Variants in HS6ST3 observed in about 807,000 individuals in gnomAD.
HS6ST3 encodes heparan-sulfate 6-O-sulfotransferase 3.
In HS6ST3, 12 loss-of-function variants were observed where a neutral mutation model predicts 36.7. That is an observed-to-expected ratio of 0.33 (90% CI 0.21 to 0.53). The LOEUF (loss-of-function observed/expected upper bound fraction) is 0.53, where lower values mean the gene tolerates loss of function less well. HS6ST3 is among the 20% of genes least tolerant of loss of function. The pLI, the probability that HS6ST3 is intolerant of heterozygous loss-of-function variation, is 0.95. For synonymous variants in HS6ST3, 240 were observed against 257.5 expected, an observed-to-expected ratio of 0.93 and a Z score of 0.65; for missense variants, 584 against 640.9, an observed-to-expected ratio of 0.91 and a Z score of 0.96.
At chr13:96,466,932 T>G (rs1393630271) in intron 1 of HS6ST3, among the ~76,000 whole-genome samples, 2 of 152,228 alleles carry the variant, frequency 1.3e-5, no homozygotes, top group African/African-American at 4.8e-5. Context: ...TAGAATTTGA[T>G]TTTTCTATAC....
In HS6ST3 at chr13:96,598,978, G is replaced by A. The variant is rs150396687; in HGVS notation, c.708-233512G>A. On this transcript the variant is annotated intron_variant, in intron 1 of 1. Transcript: ENST00000376705. ...TTTATGTGTTCAGATTTATTGACTT[G>A]TGTATGTTGAACCATCCCTGCATCC... 7.9e-3 allele frequency among the ~76,000 whole-genome samples: 1,199 copies of A among 152,134 alleles called. 16 individuals are homozygous for A. Among genetic ancestry groups the A allele is most frequent in the African/African-American group, 0.027 (1,101 of 41,534 alleles).
At position 96,610,853 on chromosome 13, in the gene HS6ST3, G is replaced by GAA. The variant is rs780834486; in HGVS notation, c.708-221627_708-221626dup. On this transcript the variant is annotated intron_variant, in intron 1 of 1. Coordinates refer to ENST00000376705, the MANE Select transcript of HS6ST3 (RefSeq NM_153456.4). The stretch of plus-strand genomic sequence containing the variant: ...AGTTTGTAGCTGTGCTGAAAAAAAT[G>GAA]AAAAAAAAAAACAAAAAACAAAACA... Among the ~76,000 whole-genome samples, 608 of 135,904 alleles carry GAA rather than the reference G, an allele frequency of 4.5e-3. 6 individuals are homozygous for GAA. Among genetic ancestry groups the GAA allele is most frequent in the Admixed American group, 7.7e-3 (105 of 13,662 alleles). 89.2% of individuals were successfully genotyped at this position (135,904 alleles called of 152,430 possible). A position where few individuals can be genotyped will look rare whatever the true frequency, so the allele number is the denominator to read the frequency against.
chr13:96,267,540 T>TTCAAATAACA (rs2054698375), intron 1 of HS6ST3, among the ~76,000 whole-genome samples: 5 of 150,774 alleles, frequency 3.3e-5, no homozygotes, highest in African/African-American at 1.2e-4. Context: ...GAATGTCCTT[T>TTCAAATAACA]GTGTTATTAA....
chr13:96,470,426 A>G (rs1184573911), intron 1 of HS6ST3, among the ~76,000 whole-genome samples: 1 of 152,150 alleles, frequency 6.6e-6, no homozygotes, highest in East Asian at 1.9e-4. Flanking sequence ...TCTTCTTGAC[A>G]CATTACTTCC....
At chr13:96,277,510 ATTTC>A (rs1367371038) in intron 1 of HS6ST3, among the ~76,000 whole-genome samples, 1 of 152,166 alleles carries the variant, frequency 6.6e-6, no homozygotes, top group Non-Finnish European at 1.5e-5. Flanking sequence ...ATACAAGTCA[ATTTC>A]TTTATTTATT....
intron 1 of HS6ST3, among the ~76,000 whole-genome samples, chr13:96,246,566 G>T (rs2054585743): frequency 6.6e-6 from 1 of 152,146 alleles, no homozygotes; most frequent in Admixed American, 6.6e-5. Flanking sequence ...TTCAAAAAAG[G>T]TTTACAAATA....
chr13:96,409,661 C>A (rs1170984805), intron 1 of HS6ST3, among the ~76,000 whole-genome samples: 1 of 152,142 alleles, frequency 6.6e-6, no homozygotes, highest in African/African-American at 2.4e-5. Context: ...TTCTAACTTT[C>A]CATATGCTAT....
rs1401732692 is a variant in HS6ST3 at position 96,834,408 on chromosome 13, T to A, written c.*1210T>A. On this transcript the variant is annotated 3_prime_UTR_variant, in exon 2 of 2. Transcript: ENST00000376705. Reference sequence around the variant, plus strand: ...GTTTTCTTCCTACATGATCTTTACCTGTTGTTAGACTGTGGCCACAGCCAG... The same window carrying A: ...GTTTTCTTCCTACATGATCTTTACCAGTTGTTAGACTGTGGCCACAGCCAG... The A allele has an allele frequency of 6.6e-6, 1 of 152,222 alleles. No individual in the cohort carries two copies. Among genetic ancestry groups the A allele is most frequent in the African/African-American group, 2.4e-5 (1 of 41,456 alleles). The allele number at this position is 152,222 out of a possible 1,614,324, so 9.4% of individuals were successfully genotyped here. A position where few individuals can be genotyped will look rare whatever the true frequency, so the allele number is the denominator to read the frequency against.
chr13:96,656,791 A>G (rs2056626430), intron 1 of HS6ST3, among the ~76,000 whole-genome samples: 1 of 152,146 alleles, frequency 6.6e-6, no homozygotes, highest in Non-Finnish European at 1.5e-5. Context: ...GCTTTAGGCA[A>G]GTTCTAAACC....
chr13:96,573,822 A>C, intron 1 of HS6ST3: 1 of 401,692 alleles, frequency 2.5e-6, no homozygotes, highest in Non-Finnish European at 4.8e-6. Context: ...GTTGGACTTA[A>C]CTCTGGGACC....
chr13:96,755,339 AGTTTTTTT>A (rs561613611), intron 1 of HS6ST3, among the ~76,000 whole-genome samples: 193 of 151,730 alleles, frequency 1.3e-3, no homozygotes, highest in Non-Finnish European at 2.2e-3. Context: ...TCAGTAGTTC[AGTTTTTTT>A]GTTTTTTTGT....
intron 1 of HS6ST3, among the ~76,000 whole-genome samples, chr13:96,206,178 A>G (rs141088127): frequency 6.6e-6 from 1 of 152,190 alleles, no homozygotes; most frequent in Admixed American, 6.5e-5. Context: ...ACAGGCAAGC[A>G]GGGAGCCAAA....
At chr13:96,358,869 A>T (rs1051429293) in intron 1 of HS6ST3, among the ~76,000 whole-genome samples, 1 of 147,520 alleles carries the variant, frequency 6.8e-6, no homozygotes, top group Non-Finnish European at 1.5e-5. Flanking sequence ...GTATATATAT[A>T]ATCTATCTAT....
chr13:96,739,325 C>T (rs1173633489), intron 1 of HS6ST3, among the ~76,000 whole-genome samples: 2 of 151,162 alleles, frequency 1.3e-5, no homozygotes, highest in Non-Finnish European at 2.9e-5. Flanking sequence ...AATATCACCT[C>T]TTTGCCTTTG....
intron 1 of HS6ST3, among the ~76,000 whole-genome samples, chr13:96,737,849 C>T (rs181680290): frequency 6.6e-6 from 1 of 151,992 alleles, no homozygotes; most frequent in Non-Finnish European, 1.5e-5. Flanking sequence ...CTCTGACCCC[C>T]CTCCCATCTT....
chr13:96,405,122 G>A (rs1321783003), intron 1 of HS6ST3, among the ~76,000 whole-genome samples: 1 of 152,162 alleles, frequency 6.6e-6, no homozygotes, highest in Non-Finnish European at 1.5e-5. Flanking sequence ...AAATTGCCCA[G>A]TCTCAGGTAT....
intron 1 of HS6ST3, among the ~76,000 whole-genome samples, chr13:96,229,602 C>T (rs2054498117): frequency 6.6e-6 from 1 of 152,194 alleles, no homozygotes; most frequent in African/African-American, 2.4e-5. Context: ...CCTTATCTAA[C>T]CAACCCTATT....
intron 1 of HS6ST3, among the ~76,000 whole-genome samples, chr13:96,132,784 G>C (rs1206892254): frequency 6.6e-6 from 1 of 152,078 alleles, no homozygotes; most frequent in Non-Finnish European, 1.5e-5. Context: ...ACTAACCCTT[G>C]TTATCTTTTG....
chr13:96,184,066 T>A (rs1180813173), intron 1 of HS6ST3, among the ~76,000 whole-genome samples: 2 of 151,852 alleles, frequency 1.3e-5, no homozygotes, highest in Admixed American at 1.3e-4. Flanking sequence ...CTGGACGTGG[T>A]GGTGCATGCC....
Sources: gnomAD v4.1 joint callset for allele counts (sites outside exome capture counted in the v4.1 genomes callset) on GRCh38, gnomAD v4.1.1 for gene constraint, MANE v1.5 for transcripts, NCBI Gene and HGNC (gene_info 2026-07-23, HGNC 2026-07-21) for gene names.